Variants in CLTA observed in about 807,000 individuals in gnomAD.
CLTA encodes clathrin light chain A, also known as clathrin, light polypeptide (Lca).
Under a neutral mutation model 26.9 loss-of-function variants are expected in CLTA, and 9 were observed. That is an observed-to-expected ratio of 0.33 (90% CI 0.20 to 0.58). The LOEUF (loss-of-function observed/expected upper bound fraction) is 0.58, where lower values mean the gene tolerates loss of function less well. Ranked by LOEUF, CLTA falls within the 20% of genes least tolerant of loss-of-function variation. CLTA has a pLI of 0.85. For missense variants in CLTA, 278 were observed against 294.2 expected (o/e 0.94, Z 0.40); for synonymous variants, 120 against 115.5 (o/e 1.04, Z -0.25).
At chr9:36,194,950 AAGG>A (rs938442148) in intron 1 of CLTA, among the ~76,000 whole-genome samples, 19 of 152,208 alleles carry the variant, frequency 1.2e-4, no homozygotes, top group African/African-American at 4.6e-4. Context: ...TGTGATTTTT[AAGG>A]AGATGTGGGA....
Position 36,191,104 on chromosome 9 carries a change from T to C in CLTA, c.48T>C (p.Gly16=). 1 of 1,596,948 alleles carries C rather than the reference T, an allele frequency of 6.3e-7. No individual in the cohort carries two copies. Among genetic ancestry groups the C allele is most frequent in the Non-Finnish European group, 8.5e-7 (1 of 1,175,576 alleles). The part of the protein sequence containing the change: ...PFGAPAGAPG[G]PALGNGVAGA... ...GCGCCCCTGCCGGCGCCCCTGGCGG[T>C]CCCGCGCTGGGGAACGGAGTGGCCG... The change falls in exon 1 of 5, where the codon GGT becomes GGC. Residue 16 remains glycine (G), a synonymous_variant. Coordinates refer to ENST00000345519, the MANE Select transcript of CLTA (RefSeq NM_001833.4).
chr9:36,192,197 C>T (rs1361624025), intron 1 of CLTA, among the ~76,000 whole-genome samples: 1 of 152,142 alleles, frequency 6.6e-6, no homozygotes, highest in African/African-American at 2.4e-5. Context: ...GAGAATAGGG[C>T]ACTACTGGGG....
chr9:36,202,947 C>T (rs954468064), intron 3 of CLTA, among the ~76,000 whole-genome samples: 7 of 151,828 alleles, frequency 4.6e-5, no homozygotes, highest in African/African-American at 1.5e-4. Flanking sequence ...TCAGCCTCCC[C>T]AGTAATCCCC....
intron 4 of CLTA, 65 bp downstream of exon 4, chr9:36,204,244 C>T: frequency 3.3e-6 from 5 of 1,534,036 alleles, no homozygotes; most frequent in Non-Finnish European, 4.4e-6. Context: ...TTCTCAGCAT[C>T]CAGTCTCGGT....
intron 1 of CLTA, among the ~76,000 whole-genome samples, chr9:36,194,367 A>G (rs1826911141): frequency 6.6e-6 from 1 of 152,168 alleles, no homozygotes; most frequent in African/African-American, 2.4e-5. Flanking sequence ...ACATGGGTGA[A>G]TTAAAGGGAA....
At chr9:36,210,130 C>A (rs896827641) in intron 4 of CLTA, among the ~76,000 whole-genome samples, 1 of 118,068 alleles carries the variant, frequency 8.5e-6, no homozygotes, top group Non-Finnish European at 1.8e-5. Context: ...TTAAGGATTT[C>A]TTTTATCAAA....
Position 36,191,236 on chromosome 9 carries a change from C to T in CLTA, c.180C>T (p.Pro60=). ...EAFAILDGGA[P]GPQPHGEPPG... ...TCGCCATCCTGGACGGCGGCGCCCC[C>T]GGGCCCCAGCCGCACGGCGAGCCGC... Residue 60 remains proline (P), a synonymous_variant, in exon 1 of 5, where the codon CCC becomes CCT. Coordinates refer to ENST00000345519, the MANE Select transcript of CLTA (RefSeq NM_001833.4). The T allele has an allele frequency of 6.5e-7, 1 of 1,538,352 alleles. No individual in the cohort carries two copies. Among genetic ancestry groups the T allele is most frequent in the South Asian group, 1.2e-5 (1 of 83,848 alleles).
chr9:36,206,484 C>G (rs796399244), intron 4 of CLTA, among the ~76,000 whole-genome samples: 30 of 152,170 alleles, frequency 2.0e-4, no homozygotes, highest in South Asian at 4.1e-4. Context: ...ACTACTCCCC[C>G]TCTCCATCCA....
intron 3 of CLTA, 29 bp from the exon 4 acceptor site, chr9:36,204,039 T>A: frequency 6.2e-7 from 1 of 1,613,326 alleles, no homozygotes; most frequent in Non-Finnish European, 8.5e-7. Flanking sequence ...GCCTCAATTG[T>A]ATTGTCTTTC....
At chr9:36,194,538 T>A (rs950959549) in intron 1 of CLTA, among the ~76,000 whole-genome samples, 1 of 152,156 alleles carries the variant, frequency 6.6e-6, no homozygotes, top group African/African-American at 2.4e-5. Flanking sequence ...ATATTTCAGA[T>A]GAGAATGGAT....
intron 1 of CLTA, among the ~76,000 whole-genome samples, chr9:36,194,959 TG>T (rs554293826): frequency 6.2e-4 from 94 of 152,284 alleles, no homozygotes; most frequent in African/African-American, 2.2e-3. Flanking sequence ...TAAGGAGATG[TG>T]GGATGAGGAT....
chr9:36,193,572 G>C (rs972814135), intron 1 of CLTA, among the ~76,000 whole-genome samples: 1 of 152,206 alleles, frequency 6.6e-6, no homozygotes, highest in Non-Finnish European at 1.5e-5. Flanking sequence ...GCTACTATTA[G>C]TGGGAGAAAG....
At position 36,212,053 on chromosome 9, in the gene CLTA, A is replaced by C. The variant is rs755893419; in HGVS notation, c.*279A>C. 1.8e-6 allele frequency: 1 copy of C among 550,270 alleles called. No homozygotes were observed. The highest frequency in any genetic ancestry group is 3.4e-6 in the Non-Finnish European group (1 of 296,528). The allele number at this position is 550,270 out of a possible 1,614,324, so 34.1% of individuals were successfully genotyped here. A position where few individuals can be genotyped will look rare whatever the true frequency, so the allele number is the denominator to read the frequency against. ...ATTCTGAGAATAAATTTCTGTTTCA[A>C]ACTGTATTATGTGAAGCTTCTTTAT... On this transcript the variant is annotated 3_prime_UTR_variant, in exon 5 of 5. Coordinates refer to ENST00000345519, the MANE Select transcript of CLTA (RefSeq NM_001833.4).
chr9:36,209,781 G>C (rs12006021), intron 4 of CLTA, among the ~76,000 whole-genome samples: 4,317 of 152,250 alleles, frequency 0.028, 215 homozygotes, highest in African/African-American at 0.099. Flanking sequence ...TCAGAGCTGT[G>C]GGGCAGCATT....
intron 1 of CLTA, among the ~76,000 whole-genome samples, chr9:36,195,392 C>A (rs1826963357): frequency 1.3e-5 from 2 of 151,828 alleles, no homozygotes; most frequent in Admixed American, 1.3e-4. Flanking sequence ...ACTTAGAGAT[C>A]AAAAAATAGC....
At chr9:36,195,796 G>A (rs547475603) in intron 1 of CLTA, among the ~76,000 whole-genome samples, 9 of 151,654 alleles carry the variant, frequency 5.9e-5, no homozygotes, top group East Asian at 1.9e-4. Flanking sequence ...GTGAAACCTC[G>A]TCTCTACTAA....
intron 4 of CLTA, among the ~76,000 whole-genome samples, chr9:36,206,663 G>A (rs997898635): frequency 2.7e-4 from 41 of 152,170 alleles, no homozygotes; most frequent in African/African-American, 9.4e-4. Context: ...GGGAGGCTGA[G>A]GCGGGCAGAT....
In CLTA at chr9:36,210,654, T is replaced by C. The variant is rs183321849; in HGVS notation, c.486-949T>C. On this transcript the variant is annotated intron_variant, in intron 4 of 4. Coordinates refer to ENST00000345519, the MANE Select transcript of CLTA (RefSeq NM_001833.4). ...AACATAAACCATCCTTGCTACAGCC[T>C]AGAACAGTTAAGTAAACCTTTCTCA... The C allele has an allele frequency of 3.1e-6, 5 of 1,614,226 alleles. No individual in the cohort carries two copies. In the Admixed American group the frequency reaches 8.3e-5, roughly 27 times the overall value.
At chr9:36,195,470 A>G (rs1353100542) in intron 1 of CLTA, among the ~76,000 whole-genome samples, 1 of 152,198 alleles carries the variant, frequency 6.6e-6, no homozygotes, top group Non-Finnish European at 1.5e-5. Context: ...TGATTACCTC[A>G]CTGGAAATAA....
Sources: gnomAD v4.1 joint callset for allele counts (sites outside exome capture counted in the v4.1 genomes callset) on GRCh38, gnomAD v4.1.1 for gene constraint, MANE v1.5 for transcripts, NCBI Gene and HGNC (gene_info 2026-07-23, HGNC 2026-07-21) for gene names.